The following HTRA1 variants were observed in gnomAD, a reference collection of about 807,000 sequenced individuals.
HTRA1 encodes HtrA serine peptidase 1.
HTRA1 carries 26 observed loss-of-function variants against 49.7 expected under a neutral mutation model. The observed-to-expected ratio is 0.52, with a 90% confidence interval of 0.38 to 0.73. HTRA1 has a LOEUF of 0.73. Ranked by LOEUF, HTRA1 falls within the 30% of genes least tolerant of loss-of-function variation. HTRA1 has a pLI of 0.00. For synonymous variants in HTRA1, 291 were observed against 286.9 expected (o/e 1.01, Z -0.14); for missense variants, 561 against 667.2 (o/e 0.84, Z 1.75).
At chr10:122,505,087 G>A (rs1465023852) in intron 3 of HTRA1, among the ~76,000 whole-genome samples, 1 of 152,222 alleles carries the variant, frequency 6.6e-6, no homozygotes, top group East Asian at 1.9e-4. Flanking sequence ...TATTCAAAGA[G>A]CTGTTCAGAT....
rs2097481622 is a variant in HTRA1 at position 122,462,000 on chromosome 10, G to T, written c.348G>T (p.Glu116Asp). The change falls in exon 1 of 9, where the codon GAG (glutamate) becomes GAT (aspartate). Residue 116 changes from glutamate (E) to aspartate (D), a missense_variant. Coordinates refer to ENST00000368984, the MANE Select transcript of HTRA1 (RefSeq NM_002775.5). ...GCCTCTGTGTGTGCGCCAGCAGCGA[G>T]CCGGTGTGCGGCAGCGACGCCAACA... The part of the protein sequence containing the change: ...QAGLCVCASS[E>D]PVCGSDANTY... 6.5e-7 allele frequency: 1 copy of T among 1,527,778 alleles called. No homozygotes were observed. The allele number at this position is 1,527,778 out of a possible 1,614,324, so 94.6% of individuals were successfully genotyped here. A position where few individuals can be genotyped will look rare whatever the true frequency, so the allele number is the denominator to read the frequency against.
intron 6 of HTRA1, among the ~76,000 whole-genome samples, chr10:122,509,214 A>G (rs903511246): frequency 2.6e-5 from 4 of 152,204 alleles, no homozygotes; most frequent in African/African-American, 9.6e-5. Flanking sequence ...CTGGGGCTCA[A>G]CAGGGGCCTT....
chr10:122,473,177 C>T (rs1354584543), intron 1 of HTRA1, among the ~76,000 whole-genome samples: 1 of 152,128 alleles, frequency 6.6e-6, no homozygotes, highest in Admixed American at 6.5e-5. Flanking sequence ...TTGGTTCTAC[C>T]TGGGGAGGGG....
chr10:122,513,975 G>A (rs780622192), intron 8 of HTRA1, among the ~76,000 whole-genome samples: 1 of 151,268 alleles, frequency 6.6e-6, no homozygotes, highest in Non-Finnish European at 1.5e-5. Context: ...CTGACCTCAG[G>A]TGATCCACCT....
At chr10:122,470,219 G>C (rs1351843492) in intron 1 of HTRA1, among the ~76,000 whole-genome samples, 1 of 152,216 alleles carries the variant, frequency 6.6e-6, no homozygotes, top group Admixed American at 6.5e-5. Flanking sequence ...CGGTCTCCAT[G>C]ATGAACCACT....
intron 1 of HTRA1, among the ~76,000 whole-genome samples, chr10:122,481,921 C>T (rs1046052301): frequency 6.6e-6 from 1 of 152,116 alleles, no homozygotes; most frequent in African/African-American, 2.4e-5. Context: ...GTGAGGCTTC[C>T]CCAGCCACGT....
In HTRA1 at chr10:122,461,866, G is replaced by A; in HGVS notation, c.214G>A (p.Glu72Lys). ...CGCCEVCGAP[E>K]GAACGLQEGP... ...CTGCTGCGAGGTGTGCGGCGCGCCC[G>A]AGGGCGCCGCGTGCGGCCTGCAGGA... Residue 72 changes from glutamate to lysine, a missense_variant, in exon 1 of 9, where the codon GAG becomes AAG. Coordinates refer to ENST00000368984, the MANE Select transcript of HTRA1 (RefSeq NM_002775.5). 4 of 1,215,782 alleles carry A rather than the reference G, an allele frequency of 3.3e-6. No individual in the cohort carries two copies. Among genetic ancestry groups the A allele is most frequent in the East Asian group, 3.6e-5 (1 of 27,802 alleles). 75.3% of individuals were successfully genotyped at this position (1,215,782 alleles called of 1,614,324 possible).
At chr10:122,466,415 CT>C (rs749262989) in intron 1 of HTRA1, among the ~76,000 whole-genome samples, 2 of 152,184 alleles carry the variant, frequency 1.3e-5, no homozygotes, top group Non-Finnish European at 2.9e-5. Flanking sequence ...GATCCGCCCG[CT>C]TTGGCCTCCC....
At chr10:122,509,900 A>T (rs1189523865) in intron 6 of HTRA1, among the ~76,000 whole-genome samples, 196 bp from the exon 7 acceptor site, 1 of 152,104 alleles carries the variant, frequency 6.6e-6, no homozygotes, top group Non-Finnish European at 1.5e-5. Flanking sequence ...CAGGTACCTG[A>T]CCATTAATTG....
chr10:122,511,721 A>T (rs2097505654), intron 7 of HTRA1, among the ~76,000 whole-genome samples: 1 of 132,984 alleles, frequency 7.5e-6, no homozygotes, highest in Non-Finnish European at 1.6e-5. Flanking sequence ...CGACAGAGCA[A>T]GACTCTGTCT....
At position 122,514,215 on chromosome 10, in the gene HTRA1, C is replaced by T; in HGVS notation, c.1299C>T (p.Val433=). The change falls in exon 9 of 9, where the codon GTC becomes GTT. Residue 433 remains valine (V), a synonymous_variant. Coordinates refer to ENST00000368984, the MANE Select transcript of HTRA1 (RefSeq NM_002775.5). Reference sequence around the variant, plus strand: ...GTGGTGGTCTCAAGGAAAACGACGTCATAATCAGCATCAATGGACAGTCCG... The same window carrying T: ...GTGGTGGTCTCAAGGAAAACGACGTTATAATCAGCATCAATGGACAGTCCG... ...AEAGGLKEND[V]IISINGQSVV... 1.2e-6 allele frequency: 2 copies of T among 1,614,006 alleles called. No individual in the cohort carries two copies. The highest frequency in any genetic ancestry group is 2.2e-5 in the South Asian group (2 of 91,074).
rs552996472 is a variant in HTRA1 at position 122,506,220 on chromosome 10, C to T, written c.778-471C>T. On this transcript the variant is annotated intron_variant, in intron 3 of 8. Coordinates refer to ENST00000368984, the MANE Select transcript of HTRA1 (RefSeq NM_002775.5). This position sits in a 1 kb window ranked among gnomAD's most constrained non-coding sequence, Gnocchi z 5.2. ...ACCCCAAATATTCCAGGCCTCAGGA[C>T]GGATGTGCACATGATGAGTCGGGGC... 5.3e-5 allele frequency among the ~76,000 whole-genome samples: 8 copies of T among 152,266 alleles called. No homozygotes were observed. The highest frequency in any genetic ancestry group is 1.9e-4 in the East Asian group (1 of 5,166).
intron 3 of HTRA1, among the ~76,000 whole-genome samples, chr10:122,499,661 C>T (rs2097500126): frequency 3.3e-5 from 5 of 152,234 alleles, no homozygotes; most frequent in Admixed American, 2.6e-4. Flanking sequence ...CCGTAAACAA[C>T]CCTTCTGCGG....
intron 3 of HTRA1, among the ~76,000 whole-genome samples, chr10:122,491,518 C>T (rs2133439896): frequency 6.6e-6 from 1 of 152,360 alleles, no homozygotes; most frequent in Middle Eastern, 3.4e-3. Context: ...GCAGGCGAGG[C>T]GCTGGCCTGG....
chr10:122,488,727 TC>T (rs1259654451), intron 1 of HTRA1, among the ~76,000 whole-genome samples, 174 bp from the exon 2 acceptor site: 1 of 152,188 alleles, frequency 6.6e-6, no homozygotes, highest in Non-Finnish European at 1.5e-5. Context: ...GGGTGGGCAC[TC>T]CCTTGGGAGG....
chr10:122,509,544 T>C (rs1254937022), intron 6 of HTRA1, among the ~76,000 whole-genome samples: 1 of 151,202 alleles, frequency 6.6e-6, no homozygotes, highest in South Asian at 2.1e-4. Flanking sequence ...TTCCCCGGGG[T>C]GGAAAGAGGC....
chr10:122,498,373 C>T (rs556561971), intron 3 of HTRA1, among the ~76,000 whole-genome samples: 2 of 152,142 alleles, frequency 1.3e-5, no homozygotes, highest in African/African-American at 4.8e-5. Context: ...CTGTATATGT[C>T]GGTGATCTCA....
rs1287521208 is a variant in HTRA1, at chr10:122,496,225, G to GTTTTTTTTTTTTTTTT, written c.777+6601_777+6602insTTTTTTTTTTTTTTTT. Among the ~76,000 whole-genome samples, 737 of 80,390 alleles carry GTTTTTTTTTTTTTTTT rather than the reference G, an allele frequency of 9.2e-3. 300 individuals carry two copies. The highest frequency in any genetic ancestry group is 0.016 in the Middle Eastern group (2 of 122). The allele number at this position is 80,390 out of a possible 152,430, so 52.7% of individuals were successfully genotyped here. A position where few individuals can be genotyped will look rare whatever the true frequency, so the allele number is the denominator to read the frequency against. On this transcript the variant is annotated intron_variant, in intron 3 of 8. Transcript: ENST00000368984. ...CCCTTTCGTTTGCCAGAGATTGTGG[G>GTTTTTTTTTTTTTTTT]TTCTTTTTTTTTTTTTTTTTTTTTT...
intron 1 of HTRA1, among the ~76,000 whole-genome samples, chr10:122,472,149 A>G (rs575993660): frequency 1.4e-3 from 214 of 152,224 alleles, no homozygotes; most frequent in African/African-American, 5.1e-3. Context: ...TTCTTTAAGC[A>G]GAATATACAA....
Sources: allele counts gnomAD v4.1 joint callset (sites outside exome capture counted in the v4.1 genomes callset), GRCh38; gene constraint gnomAD v4.1.1; non-coding constraint Gnocchi (gnomAD v3.1); transcripts MANE v1.5; gene names NCBI Gene and HGNC (gene_info 2026-07-23, HGNC 2026-07-21).